Variants in NPR3 observed in about 807,000 individuals in gnomAD.
NPR3 encodes atrial natriuretic peptide receptor 3.
NPR3 carries 34 observed loss-of-function variants against 54.5 expected under a neutral mutation model. The ratio of observed to expected loss-of-function variants is 0.62; its 90% CI spans 0.47 to 0.83. The LOEUF is 0.83. NPR3 is among the 40% of genes least tolerant of loss of function. The pLI is 0.00. For missense variants in NPR3, 674 were observed against 720.8 expected, an observed-to-expected ratio of 0.94 and a Z score of 0.74; for synonymous variants, 289 against 297.1, an observed-to-expected ratio of 0.97 and a Z score of 0.28.
chr5:32,718,530 G>A (rs982439053), intron 1 of NPR3, among the ~76,000 whole-genome samples: 3 of 152,066 alleles, frequency 2.0e-5, no homozygotes, highest in Non-Finnish European at 4.4e-5. Flanking sequence ...TTTTCATTGA[G>A]CAGTGGTTTG....
chr5:32,723,661 G>A (rs1235571125), intron 1 of NPR3, among the ~76,000 whole-genome samples: 1 of 152,060 alleles, frequency 6.6e-6, no homozygotes, highest in Non-Finnish European at 1.5e-5. Context: ...CGGCAAATCT[G>A]GTGATTTATT....
chr5:32,777,440 T>C (rs1411687515), intron 4 of NPR3, among the ~76,000 whole-genome samples: 1 of 152,214 alleles, frequency 6.6e-6, no homozygotes, highest in African/African-American at 2.4e-5. Context: ...CGGTTTTACA[T>C]TGTGCTTGCT....
chr5:32,768,627 G>T (rs1741597173), intron 3 of NPR3, among the ~76,000 whole-genome samples: 1 of 152,030 alleles, frequency 6.6e-6, no homozygotes, highest in Non-Finnish European at 1.5e-5. Flanking sequence ...GTGAATGAGG[G>T]CCCTAACTCT....
intron 1 of NPR3, among the ~76,000 whole-genome samples, chr5:32,694,328 A>G (rs1740472312): frequency 6.6e-6 from 1 of 152,248 alleles, no homozygotes; most frequent in Admixed American, 6.5e-5. Context: ...AAATTACAAC[A>G]TAACAATATT....
rs1357560578 is a variant in NPR3 at position 32,729,016 on chromosome 5, T to G, written c.892+4196T>G. ...TGAATAATATTGTGTGCCTGTGTGT[T>G]TTTTTTTTTTTTTGTTTTGTTTTTT... On this transcript the variant is annotated intron_variant, in intron 2 of 7. Coordinates refer to ENST00000265074, the MANE Select transcript of NPR3 (RefSeq NM_001204375.2). Among the ~76,000 whole-genome samples, 70 of 98,086 alleles carry G rather than the reference T, an allele frequency of 7.1e-4. 2 individuals carry two copies. Among genetic ancestry groups the G allele is most frequent in the African/African-American group, 3.1e-3 (66 of 21,070 alleles). The allele number at this position is 98,086 out of a possible 152,430, so 64.3% of individuals were successfully genotyped here.
chr5:32,770,372 G>A (rs1263327406), intron 3 of NPR3, among the ~76,000 whole-genome samples: 2 of 151,958 alleles, frequency 1.3e-5, no homozygotes, highest in Admixed American at 6.6e-5. Flanking sequence ...CAAGGCTGTA[G>A]TGAGCTGAGA....
chr5:32,773,169 A>G (rs72742734), intron 3 of NPR3, among the ~76,000 whole-genome samples: 5,819 of 152,306 alleles, frequency 0.038, 133 homozygotes, highest in Non-Finnish European at 0.051. Context: ...GGTCATCTAC[A>G]GAATGCCCAG....
rs750902237 is a variant in NPR3 at position 32,784,899 on chromosome 5, A to G, written c.1514+16A>G. The G allele has an allele frequency of 3.2e-6, 5 of 1,576,586 alleles. No homozygotes were observed. In the African/African-American group the frequency reaches 5.4e-5, roughly 17 times the overall value. ...ACTTTTTCAGGTGAGGACGGTTTGT[A>G]AAGGTACAATTCACTCTCTTCTGCT... On this transcript the variant is annotated intron_variant, in intron 7 of 7. Transcript: ENST00000265074.
chr5:32,751,344 T>C lies in NPR3; in HGVS notation c.1059+12314T>C, dbSNP rs1324724475. On this transcript the variant is annotated intron_variant, in intron 3 of 7. Coordinates refer to ENST00000265074, the MANE Select transcript of NPR3 (RefSeq NM_001204375.2). ...CCGCAGTTACCTTCCATTGTACCCT[T>C]AGAGAGCAGAGACCATCTCCTCTGA... is the stretch of plus-strand genomic sequence containing the variant. 2.6e-5 allele frequency among the ~76,000 whole-genome samples: 4 copies of C among 152,168 alleles called. No homozygotes were observed. The East Asian group carries it at 7.7e-4, about 29-fold the overall frequency.
intron 1 of NPR3, among the ~76,000 whole-genome samples, chr5:32,699,422 G>A (rs1277458796): frequency 2.6e-5 from 4 of 151,726 alleles, no homozygotes; most frequent in Admixed American, 6.6e-5. Flanking sequence ...TTTAAGCCCC[G>A]AATGCATTAG....
rs1358954902 is a variant in NPR3, at chr5:32,728,831, GTGTGTGTATATATATATATATA to G, written c.892+4013_892+4034del. On this transcript the variant is annotated intron_variant, in intron 2 of 7. Transcript: ENST00000265074. ...TTGGAATATTTGTGTGTGTGTGTGT[GTGTGTGTATATATATATATATA>G]TATATATATATATATATATATATGT... is the stretch of plus-strand genomic sequence containing the variant. Among the ~76,000 whole-genome samples, 271 of 63,972 alleles carry G rather than the reference GTGTGTGTATATATATATATATA, an allele frequency of 4.2e-3. 4 individuals carry two copies. Among genetic ancestry groups the G allele is most frequent in the African/African-American group, 0.016 (249 of 15,772 alleles). The allele number at this position is 63,972 out of a possible 152,430, so 42.0% of individuals were successfully genotyped here. A position where few individuals can be genotyped will look rare whatever the true frequency, so the allele number is the denominator to read the frequency against.
At chr5:32,774,566 T>C in intron 3 of NPR3, 142 bp from the exon 4 acceptor site, 6 of 683,424 alleles carry the variant, frequency 8.8e-6, no homozygotes, top group Admixed American at 2.1e-5. Context: ...CATGGCGTGA[T>C]TCTTGTCAGT....
intron 3 of NPR3, among the ~76,000 whole-genome samples, chr5:32,759,090 G>T (rs1437251428): frequency 6.6e-6 from 1 of 152,176 alleles, no homozygotes; most frequent in Non-Finnish European, 1.5e-5. Context: ...GTTGATTTGG[G>T]GTGGAGAGTT....
intron 1 of NPR3, among the ~76,000 whole-genome samples, chr5:32,714,449 C>G (rs1195116464): frequency 2.6e-5 from 4 of 151,140 alleles, no homozygotes; most frequent in African/African-American, 9.7e-5. Context: ...CTGCAGTCGG[C>G]TGTAAGAATT....
intron 3 of NPR3, among the ~76,000 whole-genome samples, chr5:32,754,090 T>G (rs375557404): frequency 2.0e-5 from 3 of 152,212 alleles, no homozygotes; most frequent in Non-Finnish European, 4.4e-5. Flanking sequence ...TGGTGTTTGA[T>G]GCTGACAGCA....
rs566110974 is a variant in NPR3 at position 32,700,813 on chromosome 5, T to C, written c.100+11627T>C. ...GTCTATCATTGATGGACATTTGGAT[T>C]GGTTCCAAGTCTTTGTTATTGTGAA... On this transcript the variant is annotated intron_variant, in intron 1 of 5. Coordinates refer to the NPR3 transcript ENST00000509104. 2.0e-5 allele frequency among the ~76,000 whole-genome samples: 3 copies of C among 152,322 alleles called. No homozygotes were observed. In the East Asian group the frequency reaches 5.8e-4, roughly 29 times the overall value.
At position 32,712,521 on chromosome 5, in the gene NPR3, C is replaced by T. The variant is rs1156299137; in HGVS notation, c.745C>T (p.Arg249Cys). Residue 249 changes from arginine to cysteine, a missense_variant, in exon 1 of 8, where the codon CGC (arginine) becomes TGC (cysteine). By Grantham distance (180) the Arg-to-Cys change is radical (BLOSUM62 -3). Coordinates refer to ENST00000265074, the MANE Select transcript of NPR3 (RefSeq NM_001204375.2). Reference sequence around the variant, plus strand: ...AGACTTGGATCTGGAAGACATCGTGCGCAATATCCAGGCCAGTGAGAGAGG... The same window carrying T: ...AGACTTGGATCTGGAAGACATCGTGTGCAATATCCAGGCCAGTGAGAGAGG... ...TKDLDLEDIV[R>C]NIQASERVVI... 6.5e-7 allele frequency: 1 copy of T among 1,536,276 alleles called. No homozygotes were observed. The highest frequency in any genetic ancestry group is 1.8e-5 in the Admixed American group (1 of 54,338).
chr5:32,720,748 T>C (rs968079899), intron 1 of NPR3, among the ~76,000 whole-genome samples: 2 of 152,176 alleles, frequency 1.3e-5, no homozygotes, highest in Non-Finnish European at 2.9e-5. Context: ...CTTATGCAGG[T>C]CGCAGGATTA....
intron 4 of NPR3, among the ~76,000 whole-genome samples, chr5:32,779,876 T>C (rs1742248434): frequency 6.6e-6 from 1 of 152,214 alleles, no homozygotes; most frequent in Non-Finnish European, 1.5e-5. Context: ...CTTTATTTGT[T>C]TTGTCTCATT....
Sources: gnomAD v4.1 joint callset for allele counts (sites outside exome capture counted in the v4.1 genomes callset) on GRCh38, gnomAD v4.1.1 for gene constraint, MANE v1.5 for transcripts, NCBI Gene and HGNC (gene_info 2026-07-23, HGNC 2026-07-21) for gene names.